The following PDS5B variants were observed in gnomAD, a reference collection of about 807,000 sequenced individuals.
PDS5B encodes sister chromatid cohesion protein PDS5 homolog B.
PDS5B carries 51 observed loss-of-function variants against 184.1 expected under a neutral mutation model. The observed-to-expected ratio is 0.28, with a 90% confidence interval of 0.22 to 0.35. The LOEUF is 0.35. PDS5B is among the 10% of genes least tolerant of loss of function. PDS5B has a pLI of 1.00. For synonymous variants in PDS5B, 566 were observed against 569.2 expected, an observed-to-expected ratio of 0.99 and a Z score of 0.08; for missense variants, 1,180 against 1,723.3, an observed-to-expected ratio of 0.68 and a Z score of 5.58.
intron 23 of PDS5B, among the ~76,000 whole-genome samples, chr13:32,745,254 G>C (rs890819292): frequency 6.6e-6 from 1 of 152,146 alleles, no homozygotes; most frequent in African/African-American, 2.4e-5. Context: ...TAGCAAGCTA[G>C]AACATATTTG....
intron 9 of PDS5B, among the ~76,000 whole-genome samples, chr13:32,677,259 A>C (rs2140779940): frequency 6.6e-6 from 1 of 152,090 alleles, no homozygotes; most frequent in East Asian, 1.9e-4. Context: ...TATCAGTTTA[A>C]ATTATGCAAC....
At chr13:32,738,683 T>C (rs1372907275) in intron 21 of PDS5B, among the ~76,000 whole-genome samples, 2 of 152,168 alleles carry the variant, frequency 1.3e-5, no homozygotes, top group African/African-American at 4.8e-5. Context: ...CCTTTTTTTT[T>C]CTTTTTGAGA....
intron 11 of PDS5B, among the ~76,000 whole-genome samples, 158 bp downstream of exon 11, chr13:32,684,181 A>G (rs1327479690): frequency 1.3e-5 from 2 of 152,172 alleles, no homozygotes; most frequent in Non-Finnish European, 2.9e-5. Flanking sequence ...TATGAGGTTT[A>G]CTTTCTGTTA....
At position 32,587,159 on chromosome 13, in the gene PDS5B, G is replaced by C. The variant is rs946100893; in HGVS notation, c.-20+566G>C. On this transcript the variant is annotated intron_variant, in intron 1 of 34. Coordinates refer to ENST00000315596, the MANE Select transcript of PDS5B (RefSeq NM_015032.4). Reference sequence around the variant, plus strand: ...GGCGGGGACCGCGGGTCGGGGCCGCGGGCGCTCTCGCCCCCGCCGCCGGGT... The same window carrying C: ...GGCGGGGACCGCGGGTCGGGGCCGCCGGCGCTCTCGCCCCCGCCGCCGGGT... 2.3e-3 allele frequency among the ~76,000 whole-genome samples: 342 copies of C among 148,396 alleles called. 3 individuals are homozygous for C. The highest frequency in any genetic ancestry group is 7.7e-3 in the African/African-American group (316 of 40,998).
At chr13:32,649,322 A>G (rs1051694441) in intron 2 of PDS5B, 2 of 154,766 alleles carry the variant, frequency 1.3e-5, no homozygotes, top group Admixed American at 6.5e-5. Context: ...TGCTTCTGAC[A>G]TGTAGTAATG....
At chr13:32,719,615 A>G (rs2060338250) in intron 19 of PDS5B, among the ~76,000 whole-genome samples, 1 of 152,154 alleles carries the variant, frequency 6.6e-6, no homozygotes, top group Admixed American at 6.5e-5. Context: ...CATTGTAATA[A>G]AGAGGACAGG....
At chr13:32,714,456 T>C (rs1952307389) in intron 19 of PDS5B, among the ~76,000 whole-genome samples, 1 of 152,162 alleles carries the variant, frequency 6.6e-6, no homozygotes, top group East Asian at 1.9e-4. Context: ...CCAAAATTTA[T>C]TAGGCAGGAA....
chr13:32,731,341 G>A (rs146663931), intron 19 of PDS5B, among the ~76,000 whole-genome samples: 80 of 152,238 alleles, frequency 5.3e-4, no homozygotes, highest in African/African-American at 1.8e-3. Flanking sequence ...AAATGTTTGA[G>A]TTATGAAATA....
chr13:32,687,703 CATT>C (rs1368493163), intron 12 of PDS5B, among the ~76,000 whole-genome samples: 1 of 152,100 alleles, frequency 6.6e-6, no homozygotes, highest in African/African-American at 2.4e-5. Flanking sequence ...ATAAAAAACA[CATT>C]ATCTGAATAT....
At chr13:32,666,108 T>G (rs564399351) in intron 6 of PDS5B, among the ~76,000 whole-genome samples, 1 of 152,076 alleles carries the variant, frequency 6.6e-6, no homozygotes, top group East Asian at 1.9e-4. Context: ...TGAGATGGAG[T>G]CTCACTCTGT....
At chr13:32,695,087 A>G (rs995150045) in intron 14 of PDS5B, among the ~76,000 whole-genome samples, 6 of 151,838 alleles carry the variant, frequency 4.0e-5, no homozygotes. Flanking sequence ...CCCTAGGCAT[A>G]AATTCACCAA....
intron 1 of PDS5B, among the ~76,000 whole-genome samples, chr13:32,644,905 A>T (rs1950181137): frequency 6.6e-6 from 1 of 152,126 alleles, no homozygotes; most frequent in Admixed American, 6.5e-5. Flanking sequence ...CGGGATAAAC[A>T]CTTATGAATA....
At chr13:32,737,429 G>A (rs550408959) in intron 21 of PDS5B, among the ~76,000 whole-genome samples, 17 of 152,250 alleles carry the variant, frequency 1.1e-4, no homozygotes, top group Non-Finnish European at 2.1e-4. Flanking sequence ...CTCTGTGACA[G>A]GAAAGCTTTG....
chr13:32,597,503 G>T (rs1473131306), intron 1 of PDS5B, among the ~76,000 whole-genome samples: 2 of 151,506 alleles, frequency 1.3e-5, no homozygotes, highest in Non-Finnish European at 2.9e-5. Flanking sequence ...GTCCAGCCTG[G>T]GTAACACAGA....
chr13:32,737,694 C>T (rs1953389085), intron 21 of PDS5B, among the ~76,000 whole-genome samples: 1 of 152,150 alleles, frequency 6.6e-6, no homozygotes. Context: ...CAGAACTGCT[C>T]ACCATTTTTA....
chr13:32,724,842 A>G (rs1216083897), intron 19 of PDS5B, among the ~76,000 whole-genome samples: 5 of 152,102 alleles, frequency 3.3e-5, no homozygotes, highest in African/African-American at 9.7e-5. Context: ...AGCCTCCCAC[A>G]GTTCTGGGAT....
At chr13:32,706,812 A>G (rs1952031893) in intron 17 of PDS5B, 122 bp from the exon 18 acceptor site, 2 of 471,468 alleles carry the variant, frequency 4.2e-6, no homozygotes, top group Admixed American at 8.2e-5. Flanking sequence ...AACCAGCTAT[A>G]TCAAATTTGT....
chr13:32,636,626 A>G (rs1333571639), intron 1 of PDS5B, among the ~76,000 whole-genome samples: 1 of 152,256 alleles, frequency 6.6e-6, no homozygotes, highest in Non-Finnish European at 1.5e-5. Context: ...ATAAATGGGC[A>G]TAATTATATA....
rs1954929711 is a variant in PDS5B at position 32,775,560 on chromosome 13, G to T, written c.*508G>T. ...TCACTATTTGTTGGAGAGTTAAATG[G>T]TCTCTTCCCTTTGTGTATCTTACCT... is the stretch of plus-strand genomic sequence containing the variant. On this transcript the variant is annotated 3_prime_UTR_variant, in exon 35 of 35. Transcript: ENST00000315596. 7.1e-6 allele frequency: 3 copies of T among 422,960 alleles called. No individual in the cohort carries two copies. The highest frequency in any genetic ancestry group is 4.1e-5 in the African/African-American group (2 of 48,392). 26.2% of individuals were successfully genotyped at this position (422,960 alleles called of 1,614,324 possible). A position where few individuals can be genotyped will look rare whatever the true frequency, so the allele number is the denominator to read the frequency against.
Sources: allele counts gnomAD v4.1 joint callset (sites outside exome capture counted in the v4.1 genomes callset), GRCh38; gene constraint gnomAD v4.1.1; transcripts MANE v1.5; gene names NCBI Gene and HGNC (gene_info 2026-07-23, HGNC 2026-07-21).